The following STK38L variants were observed in gnomAD, a reference collection of about 807,000 sequenced individuals.
The protein encoded by STK38L is serine/threonine kinase 38 like, also known as serine/threonine-protein kinase 38-like.
STK38L carries 28 observed loss-of-function variants against 59.7 expected under a neutral mutation model. The ratio of observed to expected loss-of-function variants is 0.47; its 90% CI spans 0.35 to 0.64. The LOEUF is 0.64. Among genes scored for constraint, STK38L ranks in the 30% least tolerant of loss-of-function variants. The pLI, the probability that STK38L is intolerant of heterozygous loss-of-function variation, is 0.01. For synonymous variants in STK38L, 162 were observed against 176.8 expected, an observed-to-expected ratio of 0.92 and a Z score of 0.66; for missense variants, 314 against 555.8, an observed-to-expected ratio of 0.56 and a Z score of 4.37.
At chr12:27,291,798 A>G (rs995810886) in intron 1 of STK38L, among the ~76,000 whole-genome samples, 1 of 152,240 alleles carries the variant, frequency 6.6e-6, no homozygotes, top group Non-Finnish European at 1.5e-5. Flanking sequence ...GCAATATAGT[A>G]GCATTAAGGA....
At chr12:27,289,867 T>A (rs1943857832) in intron 1 of STK38L, among the ~76,000 whole-genome samples, 1 of 152,214 alleles carries the variant, frequency 6.6e-6, no homozygotes, top group African/African-American at 2.4e-5. Context: ...TTACTTTAAA[T>A]ATTTCTTTTT....
intron 1 of STK38L, among the ~76,000 whole-genome samples, chr12:27,262,698 C>CT (rs79946896): frequency 0.068 from 7,198 of 106,518 alleles, 539 homozygotes; most frequent in East Asian, 0.41. Context: ...GAGTGGGACT[C>CT]TATCTCTAAT....
chr12:27,297,663 G>T lies in STK38L; in HGVS notation c.-11-47G>T, dbSNP rs11615928. On this transcript the variant is annotated intron_variant, in intron 1 of 13. Coordinates refer to ENST00000389032, the MANE Select transcript of STK38L (RefSeq NM_015000.4). ...TTTTCAGAGTTTATTATAAAAGATA[G>T]GGGTTTTTTTTCCCACTGAATAATT... 7.0e-6 allele frequency: 11 copies of T among 1,560,612 alleles called. No individual in the cohort carries two copies. In the African/African-American group the frequency reaches 1.5e-4, roughly 21 times the overall value.
At chr12:27,253,650 GA>G (rs1197831929) in intron 1 of STK38L, among the ~76,000 whole-genome samples, 4 of 152,178 alleles carry the variant, frequency 2.6e-5, no homozygotes, top group African/African-American at 4.8e-5. Context: ...ACCTAAGGGA[GA>G]GGGGCACCTA....
At chr12:27,314,361 A>T in intron 6 of STK38L, 143 bp from the exon 7 acceptor site, 1 of 584,882 alleles carries the variant, frequency 1.7e-6, no homozygotes, top group Non-Finnish European at 2.7e-6. Flanking sequence ...TGATCACACC[A>T]CTGCACTCCA....
chr12:27,313,425 A>T (rs1250186783), intron 6 of STK38L, among the ~76,000 whole-genome samples: 1 of 152,072 alleles, frequency 6.6e-6, no homozygotes, highest in African/African-American at 2.4e-5. Context: ...TCTGTTGCCT[A>T]GGCTGGAGTG....
chr12:27,318,044 G>A, intron 11 of STK38L, 25 bp downstream of exon 11: 2 of 1,611,052 alleles, frequency 1.2e-6, no homozygotes, highest in Non-Finnish European at 1.7e-6. Flanking sequence ...TCCTAGAGGA[G>A]TTCATAGTGT....
chr12:27,300,331 A>C (rs1336276129), intron 2 of STK38L, among the ~76,000 whole-genome samples: 1 of 152,218 alleles, frequency 6.6e-6, no homozygotes, highest in East Asian at 1.9e-4. Flanking sequence ...AACTATTTTT[A>C]AAAAAGGTAC....
intron 1 of STK38L, among the ~76,000 whole-genome samples, chr12:27,246,277 C>T (rs773524886): frequency 6.6e-6 from 1 of 152,104 alleles, no homozygotes; most frequent in Non-Finnish European, 1.5e-5. Flanking sequence ...AATTGGATAA[C>T]GCACCTTAGA....
chr12:27,302,018 G>GTTT, intron 2 of STK38L, 119 bp from the exon 3 acceptor site: 27 of 554,044 alleles, frequency 4.9e-5, no homozygotes, highest in Admixed American at 1.3e-4. Flanking sequence ...CAACTTGAAA[G>GTTT]TTTTTTTTTT....
intron 1 of STK38L, among the ~76,000 whole-genome samples, chr12:27,283,913 A>C (rs1352053802): frequency 6.6e-6 from 1 of 152,168 alleles, no homozygotes; most frequent in Non-Finnish European, 1.5e-5. Context: ...CGCACAGCTA[A>C]ATATACGTTT....
In STK38L at chr12:27,262,916, A is replaced by G. The variant is rs543972757; in HGVS notation, c.-12+18584A>G. 2.0e-5 allele frequency among the ~76,000 whole-genome samples: 3 copies of G among 151,014 alleles called. No individual in the cohort carries two copies. The East Asian group carries it at 5.8e-4, about 29-fold the overall frequency. ...CGGGTTCAAGCGATTCTCCCATCTCAGCTTCCCGAGTAGCTGGGATTACAG... is the reference window on the plus strand; with the variant it reads ...CGGGTTCAAGCGATTCTCCCATCTCGGCTTCCCGAGTAGCTGGGATTACAG... On this transcript the variant is annotated intron_variant, in intron 1 of 13. Transcript: ENST00000389032.
At chr12:27,261,795 C>T (rs889004429) in intron 1 of STK38L, among the ~76,000 whole-genome samples, 1 of 152,170 alleles carries the variant, frequency 6.6e-6, no homozygotes, top group Non-Finnish European at 1.5e-5. Context: ...GTAATGCCTG[C>T]TTCTTGAGTC....
chr12:27,256,973 T>G (rs1196576785), intron 1 of STK38L, among the ~76,000 whole-genome samples: 1 of 152,230 alleles, frequency 6.6e-6, no homozygotes, highest in Non-Finnish European at 1.5e-5. Flanking sequence ...GGATAGAAGC[T>G]GGATATGGAT....
At position 27,300,079 on chromosome 12, in the gene STK38L, A is replaced by G. The variant is rs148135775; in HGVS notation, c.135-2058A>G. ...CTTTACTTGCTGCAGTGTTAAAGTA[A>G]TTCAGTTTGCTTTCTTTTTCCAAAT... On this transcript the variant is annotated intron_variant, in intron 2 of 13. Coordinates refer to ENST00000389032, the MANE Select transcript of STK38L (RefSeq NM_015000.4). 6.2e-3 allele frequency among the ~76,000 whole-genome samples: 941 copies of G among 152,266 alleles called. 16 individuals carry two copies. The highest frequency in any genetic ancestry group is 0.021 in the African/African-American group (870 of 41,548).
intron 11 of STK38L, among the ~76,000 whole-genome samples, chr12:27,318,554 T>A (rs936780427): frequency 2.0e-5 from 3 of 152,228 alleles, no homozygotes; most frequent in African/African-American, 7.2e-5. Context: ...CTTATGCAGA[T>A]AATCAGATAC....
intron 1 of STK38L, among the ~76,000 whole-genome samples, chr12:27,253,160 G>C (rs990366488): frequency 6.6e-6 from 1 of 152,198 alleles, no homozygotes; most frequent in Non-Finnish European, 1.5e-5. Context: ...ACAGCACCTG[G>C]TAAGTTCTGT....
chr12:27,263,612 A>C (rs1263246680), intron 1 of STK38L, among the ~76,000 whole-genome samples: 6 of 152,198 alleles, frequency 3.9e-5, no homozygotes, highest in Non-Finnish European at 8.8e-5. Flanking sequence ...TATGTCCTTT[A>C]GGATGGAGCT....
Position 27,308,389 on chromosome 12 carries a change from G to C in STK38L, c.237G>C (p.Arg79=), listed in dbSNP as rs776259869. The C allele has an allele frequency of 1.3e-6, 2 of 1,599,028 alleles. No homozygotes were observed. Among genetic ancestry groups the C allele is most frequent in the East Asian group, 2.3e-5 (1 of 44,220 alleles). The change falls in exon 4 of 14, where the codon CGG becomes CGC. Residue 79 remains arginine, a synonymous_variant. Coordinates refer to ENST00000389032, the MANE Select transcript of STK38L (RefSeq NM_015000.4). The surrounding 1 kb of genome is among the most constrained non-coding windows in gnomAD (Gnocchi z 4.5). ...CTCGCAAAGAAACAGAGTTCTTACG[G>C]CTCAAAAGGACCAGACTTGGCTTGG... ...QHARKETEFL[R]LKRTRLGLDD... is the part of the protein sequence containing the mutation.
Sources: allele counts gnomAD v4.1 joint callset (sites outside exome capture counted in the v4.1 genomes callset), GRCh38; gene constraint gnomAD v4.1.1; non-coding constraint Gnocchi (gnomAD v3.1); transcripts MANE v1.5; gene names NCBI Gene and HGNC (gene_info 2026-07-23, HGNC 2026-07-21).